The following KLF12 variants were observed in gnomAD, a reference collection of about 807,000 sequenced individuals.
KLF12 encodes KLF transcription factor 12, also known as Krueppel-like factor 12.
KLF12 carries 9 observed loss-of-function variants against 37.8 expected under a neutral mutation model. That is an observed-to-expected ratio of 0.24 (90% CI 0.14 to 0.42). The LOEUF is 0.42. Among genes scored for constraint, KLF12 ranks in the 10% least tolerant of loss-of-function variants. KLF12 has a pLI of 1.00. For synonymous variants in KLF12, 208 were observed against 202.1 expected, an observed-to-expected ratio of 1.03 and a Z score of -0.25; for missense variants, 411 against 516.0, an observed-to-expected ratio of 0.80 and a Z score of 1.97.
intron 5 of KLF12, among the ~76,000 whole-genome samples, chr13:73,805,986 T>G (rs112032942): frequency 0.026 from 3,952 of 152,134 alleles, 167 homozygotes; most frequent in African/African-American, 0.09. Context: ...CATATTTTTG[T>G]AGAGATGAGG....
intron 3 of KLF12, among the ~76,000 whole-genome samples, chr13:73,913,739 T>C (rs1306225382): frequency 3.9e-5 from 6 of 152,218 alleles, no homozygotes; most frequent in Non-Finnish European, 8.8e-5. Flanking sequence ...TTTTTATTTT[T>C]AGAAAGCACT....
chr13:73,835,365 C>T (rs1159029223), intron 4 of KLF12, among the ~76,000 whole-genome samples: 1 of 152,034 alleles, frequency 6.6e-6, no homozygotes, highest in Non-Finnish European at 1.5e-5. Flanking sequence ...CTGTCCTTTT[C>T]ATTACAGGTC....
At chr13:74,152,520 T>A in the KLF12 span, among the ~76,000 whole-genome samples, 23 of 152,196 alleles carry the variant, frequency 1.5e-4, no homozygotes, top group African/African-American at 5.3e-4. Flanking sequence ...TTACAAGCTA[T>A]TTTTAAATGC....
chr13:74,103,190 T>C lies in KLF12; in HGVS notation c.-32+30549A>G, dbSNP rs572501550. Among the ~76,000 whole-genome samples, 22 of 152,356 alleles carry C rather than the reference T, an allele frequency of 1.4e-4. 2 individuals are homozygous for C. The highest frequency in any genetic ancestry group is 1.2e-3 in the Admixed American group (19 of 15,302). ...ACATTTAAAATTATTTATAAGTAATTTTAAACATTATTATTTCTAAAATTT... is the reference window on the plus strand; with the variant it reads ...ACATTTAAAATTATTTATAAGTAATCTTAAACATTATTATTTCTAAAATTT... On this transcript the variant is annotated intron_variant, in intron 1 of 7. Transcript: ENST00000377669.
chr13:73,917,816 G>C (rs1888915927), intron 3 of KLF12, among the ~76,000 whole-genome samples: 1 of 152,074 alleles, frequency 6.6e-6, no homozygotes, highest in Non-Finnish European at 1.5e-5. Flanking sequence ...CAGCATCTAG[G>C]CCAATGTCTT....
At chr13:74,209,538 A>G in the KLF12 span, among the ~76,000 whole-genome samples, 4 of 151,696 alleles carry the variant, frequency 2.6e-5, no homozygotes, top group African/African-American at 9.7e-5. Flanking sequence ...ACACACACAC[A>G]CACACACACA....
intron 3 of KLF12, among the ~76,000 whole-genome samples, chr13:73,901,599 T>C (rs1333321574): frequency 2.6e-5 from 4 of 151,604 alleles, no homozygotes; most frequent in African/African-American, 7.3e-5. Flanking sequence ...ATCCCCAAAA[T>C]GGAGCACACA....
chr13:74,068,818 A>G (rs1874065360), intron 1 of KLF12, among the ~76,000 whole-genome samples: 1 of 152,052 alleles, frequency 6.6e-6, no homozygotes, highest in Non-Finnish European at 1.5e-5. Context: ...TGACCTCCCA[A>G]AGTGCTGGGA....
chr13:73,951,550 C>T (rs1441287407), intron 2 of KLF12, among the ~76,000 whole-genome samples: 2 of 152,196 alleles, frequency 1.3e-5, no homozygotes, highest in African/African-American at 4.8e-5. Context: ...GTGCAAGCAA[C>T]TCTGGCTAGT....
intron 6 of KLF12, among the ~76,000 whole-genome samples, chr13:73,757,542 T>C (rs1209295959): frequency 6.6e-6 from 1 of 152,190 alleles, no homozygotes; most frequent in African/African-American, 2.4e-5. Flanking sequence ...TTAAAATTGC[T>C]AGTTCACTGT....
the KLF12 span, among the ~76,000 whole-genome samples, chr13:74,152,556 G>T: frequency 6.6e-6 from 1 of 151,962 alleles, no homozygotes; most frequent in Non-Finnish European, 1.5e-5. Context: ...GGGCTCTTAG[G>T]CTGGGCAACA....
At chr13:74,131,329 A>T (rs759049268) in intron 1 of KLF12, among the ~76,000 whole-genome samples, 3 of 152,188 alleles carry the variant, frequency 2.0e-5, no homozygotes, top group Non-Finnish European at 4.4e-5. Context: ...GGCCAGATGC[A>T]TGTTCTTCAG....
chr13:74,244,900 A>G, the KLF12 span, among the ~76,000 whole-genome samples: 1 of 152,196 alleles, frequency 6.6e-6, no homozygotes, highest in Non-Finnish European at 1.5e-5. Context: ...GTAATAGGGA[A>G]CCACTGGTGG....
the KLF12 span, among the ~76,000 whole-genome samples, chr13:74,209,557 C>CACACACACACAG: frequency 7.0e-6 from 1 of 143,584 alleles, no homozygotes; most frequent in Non-Finnish European, 1.5e-5. Flanking sequence ...CACACACACA[C>CACACACACACAG]AGACAATTAA....
intron 1 of KLF12, among the ~76,000 whole-genome samples, chr13:74,122,887 A>G (rs951039611): frequency 2.6e-5 from 4 of 151,736 alleles, no homozygotes; most frequent in South Asian, 2.1e-4. Context: ...TGCTAAAAAC[A>G]TAAGTTATGG....
At chr13:73,900,601 A>G (rs530201275) in intron 3 of KLF12, among the ~76,000 whole-genome samples, 1 of 152,200 alleles carries the variant, frequency 6.6e-6, no homozygotes, top group East Asian at 1.9e-4. Flanking sequence ...AGTACATAGA[A>G]TAACTGTGAA....
At chr13:74,135,013 G>A (rs976830824), upstream of KLF12, among the ~76,000 whole-genome samples, 1 of 151,544 alleles carries the variant, frequency 6.6e-6, no homozygotes, top group Non-Finnish European at 1.5e-5. Context: ...GGGCAACAAT[G>A]GGGTCAGGCA....
chr13:74,298,478 T>C, the KLF12 span, among the ~76,000 whole-genome samples: 1 of 152,194 alleles, frequency 6.6e-6, no homozygotes, highest in Non-Finnish European at 1.5e-5. Context: ...GTTTCTGTAT[T>C]GAACAGGGCA....
chr13:73,810,693 GA>G (rs1328427004), intron 5 of KLF12, among the ~76,000 whole-genome samples: 1 of 151,396 alleles, frequency 6.6e-6, no homozygotes, highest in African/African-American at 2.4e-5. Flanking sequence ...AATGATGCAG[GA>G]AAACAATGTG....
Sources: gnomAD v4.1 joint callset for allele counts (sites outside exome capture counted in the v4.1 genomes callset) on GRCh38, gnomAD v4.1.1 for gene constraint, MANE v1.5 for transcripts, NCBI Gene and HGNC (gene_info 2026-07-23, HGNC 2026-07-21) for gene names.